Variants in CTNNA1 observed in about 807,000 individuals in gnomAD.
The protein encoded by CTNNA1 is catenin alpha 1.
Under a neutral mutation model 98.4 loss-of-function variants are expected in CTNNA1, and 37 were observed. The observed-to-expected ratio is 0.38, with a 90% CI of 0.29 to 0.49. The LOEUF (loss-of-function observed/expected upper bound fraction) is 0.49. CTNNA1 is among the 20% of genes least tolerant of loss of function. The pLI, the probability that CTNNA1 is intolerant of heterozygous loss-of-function variation, is 0.95. For missense variants in CTNNA1, 761 were observed against 1,147.2 expected (o/e 0.66, Z 4.86); for synonymous variants, 404 against 413.2 (o/e 0.98, Z 0.27).
At chr5:138,857,850 A>G (rs1464371883) in intron 7 of CTNNA1, among the ~76,000 whole-genome samples, 2 of 152,268 alleles carry the variant, frequency 1.3e-5, no homozygotes, top group Non-Finnish European at 2.9e-5. Context: ...ATAGTATATT[A>G]GATTGACAGT....
intron 7 of CTNNA1, chr5:138,869,065 G>A (rs1765083543): frequency 8.6e-6 from 1 of 116,028 alleles, no homozygotes; most frequent in African/African-American, 3.3e-5. Flanking sequence ...CACCCAAAAA[G>A]AAAAATGGCT....
At chr5:138,866,293 T>A (rs560524827) in intron 7 of CTNNA1, among the ~76,000 whole-genome samples, 2 of 139,616 alleles carry the variant, frequency 1.4e-5, no homozygotes, top group South Asian at 2.1e-4. Flanking sequence ...TTTATTTATT[T>A]ATTTATTTAT....
Position 138,932,936 on chromosome 5 carries a change from C to G in CTNNA1, c.2433+224C>G, listed in dbSNP as rs763797541. The stretch of plus-strand genomic sequence containing the variant: ...GCAAGGGCTGAAAGGCTGGCCTCCT[C>G]CCCTTTGCTGGCCACTCACTGGGTA... On this transcript the variant is annotated intron_variant, in intron 17 of 17. Transcript: ENST00000302763. 51 of 779,754 alleles carry G rather than the reference C, an allele frequency of 6.5e-5. No homozygotes were observed. The highest frequency in any genetic ancestry group is 5.1e-4 in the East Asian group (21 of 41,304). 48.3% of individuals were successfully genotyped at this position (779,754 alleles called of 1,614,324 possible).
At chr5:138,780,118 G>A (rs1395911540) in intron 1 of CTNNA1, among the ~76,000 whole-genome samples, 2 of 152,078 alleles carry the variant, frequency 1.3e-5, no homozygotes, top group Non-Finnish European at 2.9e-5. Flanking sequence ...CTTAACTTTA[G>A]AATAAGATTT....
chr5:138,898,638 C>T (rs757421368), intron 9 of CTNNA1, among the ~76,000 whole-genome samples: 2 of 151,706 alleles, frequency 1.3e-5, no homozygotes, highest in Non-Finnish European at 2.9e-5. Context: ...AGCTTTACTA[C>T]GACATGTCTA....
At chr5:138,932,808 G>A in intron 17 of CTNNA1, 96 bp downstream of exon 17, 1 of 1,475,966 alleles carries the variant, frequency 6.8e-7, no homozygotes, top group Non-Finnish European at 9.4e-7. Flanking sequence ...ACCTGCCCTG[G>A]GAAAGTGTGC....
intron 3 of CTNNA1, among the ~76,000 whole-genome samples, chr5:138,789,223 C>T (rs190335282): frequency 1.1e-4 from 17 of 151,174 alleles, no homozygotes; most frequent in East Asian, 3.9e-4. Context: ...TACATGAATA[C>T]GAAAAATAAT....
At chr5:138,872,768 GAAGT>G (rs1750797148) in intron 7 of CTNNA1, 1 of 393,332 alleles carries the variant, frequency 2.5e-6, no homozygotes, top group Admixed American at 4.1e-5. Context: ...TTCTTATTTT[GAAGT>G]AAGCATTTTA....
chr5:138,891,442 A>C (rs1175786858), intron 9 of CTNNA1, among the ~76,000 whole-genome samples: 1 of 151,818 alleles, frequency 6.6e-6, no homozygotes, highest in Non-Finnish European at 1.5e-5. Context: ...CTGATTACAC[A>C]CATGTGAATT....
intron 7 of CTNNA1, among the ~76,000 whole-genome samples, chr5:138,830,957 A>T (rs1041314989): frequency 6.6e-6 from 1 of 152,190 alleles, no homozygotes; most frequent in Non-Finnish European, 1.5e-5. Flanking sequence ...TCTTGATTTT[A>T]AAAAAATGGT....
In CTNNA1 at chr5:138,933,787, CT is replaced by C. The variant is rs778494401; in HGVS notation, c.2434-14del. 4.3e-6 allele frequency: 7 copies of C among 1,610,114 alleles called. No individual in the cohort carries two copies. In the Admixed American group the frequency reaches 6.7e-5, roughly 15 times the overall value. On this transcript the variant is annotated splice_polypyrimidine_tract_variant and intron_variant, in intron 17 of 17. Transcript: ENST00000302763. ...GTCAGGCCGGTGCTTCTTACCACCC[CT>C]GTCTGCCTCGTAGGTGGACAGCGCC... is the stretch of plus-strand genomic sequence containing the variant.
rs1763797844 is a variant in CTNNA1, at chr5:138,925,384, A to C, written c.1876A>C (p.Arg626=). Residue 626 remains arginine, a synonymous_variant, in exon 13 of 18, where the codon AGG becomes CGG. Coordinates refer to ENST00000302763, the MANE Select transcript of CTNNA1 (RefSeq NM_001903.5). ...GGTATATGATGGCATCCGGGACATC[A>C]GGAAAGCAGTGCTGATGATAAGGGT... ...RLVYDGIRDI[R]KAVLMIRTPE... 1.2e-6 allele frequency: 2 copies of C among 1,614,206 alleles called. No individual in the cohort carries two copies. Among genetic ancestry groups the C allele is most frequent in the Non-Finnish European group, 1.7e-6 (2 of 1,180,030 alleles).
chr5:138,837,088 G>A (rs1761849767), intron 7 of CTNNA1, among the ~76,000 whole-genome samples: 1 of 152,082 alleles, frequency 6.6e-6, no homozygotes, highest in Non-Finnish European at 1.5e-5. Flanking sequence ...TCCTTTCGAG[G>A]TAATGATTCA....
intron 1 of CTNNA1, among the ~76,000 whole-genome samples, chr5:138,770,900 C>T (rs1275026783): frequency 6.6e-6 from 1 of 150,740 alleles, no homozygotes; most frequent in East Asian, 1.9e-4. Flanking sequence ...TGCAGTGAGC[C>T]GAGATTGCGC....
intron 1 of CTNNA1, among the ~76,000 whole-genome samples, chr5:138,769,296 TG>T (rs1232372217): frequency 1.3e-5 from 2 of 152,112 alleles, no homozygotes; most frequent in African/African-American, 4.8e-5. Flanking sequence ...CTTCTCCCTG[TG>T]GGCTTCTTAG....
At chr5:138,775,565 A>G (rs1190039183) in intron 1 of CTNNA1, among the ~76,000 whole-genome samples, 1 of 152,128 alleles carries the variant, frequency 6.6e-6, no homozygotes, top group African/African-American at 2.4e-5. Context: ...AAATTCAGAA[A>G]TTTAACATTG....
chr5:138,920,774 C>T (rs566403342), intron 11 of CTNNA1, among the ~76,000 whole-genome samples: 3 of 152,170 alleles, frequency 2.0e-5, no homozygotes, highest in Admixed American at 6.5e-5. Context: ...AAGAGGAAAT[C>T]GTTTATGGAG....
Position 138,874,490 on chromosome 5 carries a change from A to C in CTNNA1, c.1063-11722A>C. ...CATACCCAGGGCAGGCAGCATTTTT[A>C]AAACCATACTCATTGCATATATTGC... On this transcript the variant is annotated intron_variant, in intron 7 of 17. Coordinates refer to ENST00000302763, the MANE Select transcript of CTNNA1 (RefSeq NM_001903.5). The surrounding 1 kb of genome is among the most constrained non-coding windows in gnomAD (Gnocchi z 4.1). 6.2e-7 allele frequency: 1 copy of C among 1,611,310 alleles called. No individual in the cohort carries two copies. Among genetic ancestry groups the C allele is most frequent in the Non-Finnish European group, 8.5e-7 (1 of 1,178,628 alleles).
intron 16 of CTNNA1, chr5:138,931,925 T>G: frequency 1.0e-6 from 1 of 985,498 alleles, no homozygotes; most frequent in Non-Finnish European, 1.2e-6. Flanking sequence ...TCCCTTTGGG[T>G]AAAGCTTTCT....
Sources: allele counts gnomAD v4.1 joint callset (sites outside exome capture counted in the v4.1 genomes callset), GRCh38; gene constraint gnomAD v4.1.1; non-coding constraint Gnocchi (gnomAD v3.1); transcripts MANE v1.5; gene names NCBI Gene and HGNC (gene_info 2026-07-23, HGNC 2026-07-21).